Variants in CEP120 observed in about 807,000 individuals in gnomAD.
CEP120 encodes the protein centrosomal protein of 120 kDa.
Under a neutral mutation model 126.5 loss-of-function variants are expected in CEP120, and 113 were observed. The ratio of observed to expected loss-of-function variants is 0.89; its 90% CI spans 0.77 to 1.04. The LOEUF (loss-of-function observed/expected upper bound fraction) is 1.04. CEP120 is among the 50% of genes least tolerant of loss of function. The pLI is 0.00. For synonymous variants in CEP120, 400 were observed against 394.3 expected (o/e 1.01, Z -0.17); for missense variants, 1,230 against 1,155.7 (o/e 1.06, Z -0.93).
chr5:123,370,609 C>A (rs184591341), intron 17 of CEP120, among the ~76,000 whole-genome samples: 1 of 151,404 alleles, frequency 6.6e-6, no homozygotes, highest in East Asian at 2.0e-4. Flanking sequence ...TCCTGAGTAG[C>A]TGGGACAACA....
Position 123,418,488 on chromosome 5 carries a change from T to C in CEP120, c.77A>G (p.His26Arg), listed in dbSNP as rs201838474. The change falls in exon 2 of 20, where the codon CAT becomes CGT. Residue 26 changes from histidine to arginine, a missense_variant. By Grantham distance (29) the His-to-Arg change is conservative. Transcript: ENST00000306467. Reference sequence around the variant, plus strand: ...AAACTTTGCTTCCACTACAAGCATATGCTTTGGACGTTTGGGGAAATGCCG... The same window carrying C: ...AAACTTTGCTTCCACTACAAGCATACGCTTTGGACGTTTGGGGAAATGCCG... ...EGRHFPKRPKHMLVVEAKFDG... is the reference protein window; with the variant it reads ...EGRHFPKRPKRMLVVEAKFDG... The C allele has an allele frequency of 1.4e-5, 23 of 1,609,810 alleles. No homozygotes were observed. Among genetic ancestry groups the C allele is most frequent in the Non-Finnish European group, 1.9e-5 (22 of 1,177,280 alleles).
At chr5:123,400,530 G>C (rs1423167597) in intron 4 of CEP120, among the ~76,000 whole-genome samples, 1 of 151,698 alleles carries the variant, frequency 6.6e-6, no homozygotes, top group Non-Finnish European at 1.5e-5. Context: ...TGGAATTGAA[G>C]GTGTCAATCT....
chr5:123,386,759 G>GA, intron 9 of CEP120, 92 bp from the exon 10 acceptor site: 1 of 933,986 alleles, frequency 1.1e-6, no homozygotes, highest in Non-Finnish European at 1.4e-6. Context: ...AGTATAATAT[G>GA]AATATTATGA....
rs577655209 is a variant in CEP120, at chr5:123,346,119, T to A, written c.*400A>T. 6 of 157,356 alleles carry A rather than the reference T, an allele frequency of 3.8e-5. No homozygotes were observed. The highest frequency in any genetic ancestry group is 1.3e-4 in the Admixed American group (2 of 15,748). The allele number at this position is 157,356 out of a possible 1,614,324, so 9.7% of individuals were successfully genotyped here. A position where few individuals can be genotyped will look rare whatever the true frequency, so the allele number is the denominator to read the frequency against. ...TGGTCTCAACTTTTAAGAATTTACA[T>A]TCAAATGGAATAGGACGCAGCGTTT... On this transcript the variant is annotated 3_prime_UTR_variant, in exon 20 of 20. Transcript: ENST00000306467.
chr5:123,416,582 TAAAA>T (rs1312646560), intron 2 of CEP120, among the ~76,000 whole-genome samples: 2 of 147,876 alleles, frequency 1.4e-5, no homozygotes, highest in Non-Finnish European at 3.0e-5. Flanking sequence ...AAAATAAAAA[TAAAA>T]ATAAAAATAA....
chr5:123,394,707 A>C (rs1010887514), intron 5 of CEP120, among the ~76,000 whole-genome samples: 1 of 152,246 alleles, frequency 6.6e-6, no homozygotes, highest in Non-Finnish European at 1.5e-5. Context: ...TAATAAATGT[A>C]AGTTATTTTA....
chr5:123,417,208 A>G (rs993529846), intron 2 of CEP120, among the ~76,000 whole-genome samples: 2 of 152,222 alleles, frequency 1.3e-5, no homozygotes, highest in Admixed American at 1.3e-4. Flanking sequence ...GAAATCCAAC[A>G]TTGATATTCT....
chr5:123,388,294 A>T, intron 9 of CEP120, 138 bp downstream of exon 9: 1 of 502,268 alleles, frequency 2.0e-6, no homozygotes, highest in Non-Finnish European at 3.4e-6. Context: ...TCATTAGGAT[A>T]TAGCCTTACC....
At chr5:123,411,189 G>A (rs1774032741) in intron 4 of CEP120, among the ~76,000 whole-genome samples, 1 of 152,164 alleles carries the variant, frequency 6.6e-6, no homozygotes, top group Non-Finnish European at 1.5e-5. Flanking sequence ...CCAAATTCTG[G>A]TAAGAATATG....
In CEP120 at chr5:123,384,963, A is replaced by G. The variant is rs746999442; in HGVS notation, c.1751T>C (p.Ile584Thr). 1.1e-5 allele frequency: 18 copies of G among 1,609,234 alleles called. No individual in the cohort carries two copies. The highest frequency in any genetic ancestry group is 1.5e-5 in the Non-Finnish European group (18 of 1,178,078). The change falls in exon 11 of 20, where the codon ATA becomes ACA. Residue 584 changes from isoleucine (I) to threonine (T), a missense_variant. Coordinates refer to ENST00000306467, the MANE Select transcript of CEP120 (RefSeq NM_001375405.1). ...TGAAATGCATTACCCTTGTGCTGCT[A>G]TAACAGGCACACTTTCACTGTAAGT... ...RQTYSESVPV[I>T]AAQGSNNRIA...
At chr5:123,388,653 T>C (rs1369126972) in intron 8 of CEP120, 47 bp from the exon 9 acceptor site, 2 of 1,423,742 alleles carry the variant, frequency 1.4e-6, no homozygotes, top group Non-Finnish European at 1.9e-6. Flanking sequence ...TTGCTAACAG[T>C]TTCTCTTAAA....
chr5:123,411,718 T>C (rs559827537), intron 4 of CEP120, among the ~76,000 whole-genome samples: 1 of 152,266 alleles, frequency 6.6e-6, no homozygotes, highest in Non-Finnish European at 1.5e-5. Context: ...GGAGCACAGA[T>C]GATTTTTAGG....
At chr5:123,349,391 C>T (rs900072467) in intron 19 of CEP120, among the ~76,000 whole-genome samples, 4 of 151,920 alleles carry the variant, frequency 2.6e-5, no homozygotes, top group Non-Finnish European at 5.9e-5. Flanking sequence ...TAAAACAGCT[C>T]CTGGCACAAA....
intron 4 of CEP120, among the ~76,000 whole-genome samples, chr5:123,400,132 G>A (rs537095328): frequency 6.6e-6 from 1 of 152,256 alleles, no homozygotes; most frequent in East Asian, 1.9e-4. Context: ...CTTCTTCTAG[G>A]AGTTAATCCT....
chr5:123,377,327 A>G, intron 16 of CEP120, 47 bp downstream of exon 16: 1 of 1,558,172 alleles, frequency 6.4e-7, no homozygotes, highest in Non-Finnish European at 8.7e-7. Flanking sequence ...TTATTACTAG[A>G]ATGCAAATAA....
chr5:123,383,269 C>CA (rs1406527269), intron 11 of CEP120, among the ~76,000 whole-genome samples, 187 bp from the exon 12 acceptor site: 1 of 152,072 alleles, frequency 6.6e-6, no homozygotes, highest in Non-Finnish European at 1.5e-5. Context: ...TTGATCATCA[C>CA]AAACACCCTG....
At chr5:123,363,765 A>T (rs781195992) in intron 18 of CEP120, among the ~76,000 whole-genome samples, 5 of 151,556 alleles carry the variant, frequency 3.3e-5, no homozygotes, top group Non-Finnish European at 5.9e-5. Flanking sequence ...GAAAAATACA[A>T]ACCTGAAAGA....
intron 9 of CEP120, among the ~76,000 whole-genome samples, chr5:123,387,465 A>G (rs1332184365): frequency 6.6e-6 from 1 of 152,156 alleles, no homozygotes; most frequent in South Asian, 2.1e-4. Flanking sequence ...TGCAGATAAG[A>G]AACTTTTCAA....
intron 4 of CEP120, chr5:123,402,046 T>C (rs1773283804): frequency 1.9e-6 from 3 of 1,598,048 alleles, no homozygotes; most frequent in Non-Finnish European, 1.7e-6. Context: ...GCAAACTTGT[T>C]GTTGAGGGTC....
Sources: gnomAD v4.1 joint callset for allele counts (sites outside exome capture counted in the v4.1 genomes callset) on GRCh38, gnomAD v4.1.1 for gene constraint, MANE v1.5 for transcripts, NCBI Gene and HGNC (gene_info 2026-07-23, HGNC 2026-07-21) for gene names.